Variants in SPOCK1 observed in about 807,000 individuals in gnomAD.
SPOCK1 encodes the protein SPARC (osteonectin), cwcv and kazal like domains proteoglycan 1.
A neutral mutation model predicts 55.3 loss-of-function variants in SPOCK1; 23 were observed. The observed-to-expected ratio is 0.42, with a 90% CI of 0.30 to 0.59. The LOEUF (loss-of-function observed/expected upper bound fraction) is 0.59. Ranked by LOEUF, SPOCK1 falls within the 20% of genes least tolerant of loss-of-function variation. The pLI is 0.22. For missense variants in SPOCK1, 499 were observed against 552.5 expected (o/e 0.90, Z 0.97); for synonymous variants, 226 against 221.0 (o/e 1.02, Z -0.20).
At chr5:137,196,223 G>A (rs1178826686) in intron 3 of SPOCK1, among the ~76,000 whole-genome samples, 2 of 152,116 alleles carry the variant, frequency 1.3e-5, no homozygotes, top group East Asian at 3.9e-4. Context: ...TAAGACTAAT[G>A]TACAGCAACA....
At chr5:137,011,751 A>G (rs557441579) in intron 6 of SPOCK1, among the ~76,000 whole-genome samples, 1 of 152,318 alleles carries the variant, frequency 6.6e-6, no homozygotes, top group Admixed American at 6.5e-5. Context: ...GTCAAATTAG[A>G]GTACTTGGGT....
intron 6 of SPOCK1, among the ~76,000 whole-genome samples, chr5:137,041,214 C>T (rs1021258724): frequency 1.3e-5 from 2 of 151,694 alleles, no homozygotes; most frequent in Non-Finnish European, 2.9e-5. Flanking sequence ...TTTTTAAAGG[C>T]ACAAAAGCAA....
chr5:137,328,051 C>T (rs1580868842), intron 2 of SPOCK1, among the ~76,000 whole-genome samples: 1 of 152,228 alleles, frequency 6.6e-6, no homozygotes, highest in Non-Finnish European at 1.5e-5. Flanking sequence ...TCATCACAGC[C>T]TTTGCTGCTG....
At chr5:137,395,171 C>T (rs1335298134) in intron 2 of SPOCK1, among the ~76,000 whole-genome samples, 6 of 152,180 alleles carry the variant, frequency 3.9e-5, no homozygotes. Context: ...GAAGGATGGT[C>T]AGCTTTGTAG....
chr5:137,051,669 AATT>A (rs1752211150), intron 6 of SPOCK1, among the ~76,000 whole-genome samples: 1 of 152,232 alleles, frequency 6.6e-6, no homozygotes, highest in Non-Finnish European at 1.5e-5. Context: ...ATTCATATCA[AATT>A]AAGGATATAA....
At chr5:137,387,327 T>C (rs1580898094) in intron 2 of SPOCK1, among the ~76,000 whole-genome samples, 1 of 152,332 alleles carries the variant, frequency 6.6e-6, no homozygotes, top group East Asian at 1.9e-4. Flanking sequence ...AAAATGTATA[T>C]CTACACAAAA....
intron 2 of SPOCK1, among the ~76,000 whole-genome samples, chr5:137,327,088 G>A (rs1467602424): frequency 6.6e-6 from 1 of 152,214 alleles, no homozygotes; most frequent in Non-Finnish European, 1.5e-5. Context: ...TCCTGATGTG[G>A]ATAGGGAGAG....
chr5:137,097,800 C>G (rs1012590642), intron 5 of SPOCK1, among the ~76,000 whole-genome samples: 5 of 152,190 alleles, frequency 3.3e-5, no homozygotes, highest in Non-Finnish European at 7.3e-5. Context: ...ACATTGGGTG[C>G]TGCCACGGGA....
At chr5:137,036,115 C>A (rs1055924308) in intron 6 of SPOCK1, among the ~76,000 whole-genome samples, 1 of 152,154 alleles carries the variant, frequency 6.6e-6, no homozygotes, top group Non-Finnish European at 1.5e-5. Flanking sequence ...AAGCAACACT[C>A]AAGGATGGTG....
chr5:137,017,897 T>C (rs892032931), intron 6 of SPOCK1, among the ~76,000 whole-genome samples: 1 of 152,246 alleles, frequency 6.6e-6, no homozygotes, highest in Non-Finnish European at 1.5e-5. Flanking sequence ...AGACAGCCTA[T>C]GGGCAACCAG....
At chr5:137,355,069 A>G (rs1420472963) in intron 2 of SPOCK1, among the ~76,000 whole-genome samples, 1 of 151,766 alleles carries the variant, frequency 6.6e-6, no homozygotes, top group Non-Finnish European at 1.5e-5. Context: ...TGCCTGGCTA[A>G]TTTTTTGTAT....
At chr5:137,365,489 T>C (rs1035980209) in intron 2 of SPOCK1, 2 of 152,236 alleles carry the variant, frequency 1.3e-5, no homozygotes, top group Non-Finnish European at 1.5e-5. Context: ...TAGAGGACTC[T>C]GAGAAATTGC....
chr5:137,335,564 A>G lies in SPOCK1; in HGVS notation c.187-68509T>C, dbSNP rs146295321. 6.4e-3 allele frequency among the ~76,000 whole-genome samples: 976 copies of G among 152,320 alleles called. 17 individuals carry two copies. The highest frequency in any genetic ancestry group is 0.023 in the African/African-American group (938 of 41,552). Reference sequence around the variant, plus strand: ...TACATAACTGAAGAGTTAATAGCCAAGTTTGAGACGACACTGCTTACGGCC... The same window carrying G: ...TACATAACTGAAGAGTTAATAGCCAGGTTTGAGACGACACTGCTTACGGCC... On this transcript the variant is annotated intron_variant, in intron 2 of 10. Coordinates refer to ENST00000394945, the MANE Select transcript of SPOCK1 (RefSeq NM_004598.4).
At chr5:137,155,180 G>T (rs1051079715) in intron 3 of SPOCK1, among the ~76,000 whole-genome samples, 2 of 152,168 alleles carry the variant, frequency 1.3e-5, no homozygotes, top group Non-Finnish European at 1.5e-5. Flanking sequence ...TTCAGTTGTA[G>T]CAGCCCAAAC....
chr5:137,043,168 A>C (rs537277857), intron 6 of SPOCK1, among the ~76,000 whole-genome samples: 1 of 152,304 alleles, frequency 6.6e-6, no homozygotes, highest in Non-Finnish European at 1.5e-5. Context: ...CAAGACCAAC[A>C]GAAGGAGTGC....
intron 3 of SPOCK1, 127 bp downstream of exon 3, chr5:137,266,883 G>A: frequency 1.3e-6 from 1 of 758,382 alleles, no homozygotes; most frequent in Non-Finnish European, 2.2e-6. Flanking sequence ...AGTCAATTCA[G>A]TCCCCAAAGT....
At chr5:137,357,236 C>G (rs1750837864) in intron 2 of SPOCK1, among the ~76,000 whole-genome samples, 1 of 152,128 alleles carries the variant, frequency 6.6e-6, no homozygotes, top group African/African-American at 2.4e-5. Flanking sequence ...CGTGCTAACT[C>G]CATCCATTCA....
intron 3 of SPOCK1, among the ~76,000 whole-genome samples, chr5:137,155,807 T>C (rs1291264284): frequency 6.6e-6 from 1 of 152,218 alleles, no homozygotes; most frequent in Admixed American, 6.5e-5. Context: ...CTGGTCTCTT[T>C]GTGGGCTGTG....
intron 2 of SPOCK1, among the ~76,000 whole-genome samples, chr5:137,462,884 G>A (rs1178980522): frequency 6.6e-6 from 1 of 152,140 alleles, no homozygotes; most frequent in Non-Finnish European, 1.5e-5. Context: ...AAGGAACAGG[G>A]AGGGCTTCAC....
Sources: allele counts gnomAD v4.1 joint callset (sites outside exome capture counted in the v4.1 genomes callset), GRCh38; gene constraint gnomAD v4.1.1; transcripts MANE v1.5; gene names NCBI Gene and HGNC (gene_info 2026-07-23, HGNC 2026-07-21).